PPEF1: variants seen among roughly 807,000 people sequenced by gnomAD.
The protein encoded by PPEF1 is serine/threonine-protein phosphatase with EF-hands 1.
PPEF1 carries 12 observed loss-of-function variants against 53.3 expected under a neutral mutation model. The observed-to-expected ratio is 0.23, with a 90% CI of 0.14 to 0.36. The LOEUF (loss-of-function observed/expected upper bound fraction) is 0.36, where lower values mean the gene tolerates loss of function less well. Among genes scored for constraint, PPEF1 ranks in the 10% least tolerant of loss-of-function variants. The pLI is 1.00. For synonymous variants in PPEF1, 165 were observed against 176.7 expected, an observed-to-expected ratio of 0.93 and a Z score of 0.52; for missense variants, 334 against 490.4, an observed-to-expected ratio of 0.68 and a Z score of 3.01.
chrX:18,792,804 G>A (rs1421133873), intron 10 of PPEF1, among the ~76,000 whole-genome samples: 2 of 111,858 alleles, frequency 1.8e-5, no homozygotes, highest in Non-Finnish European at 3.8e-5. Flanking sequence ...CCACAGTGTG[G>A]GAGTGGCCCC....
intron 10 of PPEF1, among the ~76,000 whole-genome samples, chrX:18,791,939 T>G (rs1041509242): frequency 8.9e-6 from 1 of 112,464 alleles, no homozygotes; most frequent in Admixed American, 9.4e-5. Flanking sequence ...ATTGAAATGA[T>G]GTGTTCTTTC....
chrX:18,795,874 C>T (rs1179180998), intron 10 of PPEF1, among the ~76,000 whole-genome samples: 1 of 112,154 alleles, frequency 8.9e-6, no homozygotes, highest in Non-Finnish European at 1.9e-5. Context: ...CTCTACGCTT[C>T]TCATTTTTGA....
chrX:18,734,183 G>A (rs1340705561), intron 3 of PPEF1, among the ~76,000 whole-genome samples: 1 of 108,803 alleles, frequency 9.2e-6, no homozygotes, highest in African/African-American at 3.4e-5. Context: ...TCAACGTGCA[G>A]GTTTGTTACT....
chrX:18,767,304 T>C (rs1299060052), intron 6 of PPEF1, among the ~76,000 whole-genome samples: 3 of 111,572 alleles, frequency 2.7e-5, no homozygotes, highest in Non-Finnish European at 5.7e-5. Context: ...CCCAGCACTT[T>C]GGGAGGCCGA....
chrX:18,801,790 C>G (rs2046551037), intron 10 of PPEF1, among the ~76,000 whole-genome samples: 1 of 110,275 alleles, frequency 9.1e-6, no homozygotes, highest in African/African-American at 3.3e-5. Flanking sequence ...CGAGATCAGC[C>G]TGGCCAACAC....
intron 13 of PPEF1, among the ~76,000 whole-genome samples, chrX:18,822,925 C>G (rs1168696790): frequency 3.6e-5 from 4 of 111,017 alleles, no homozygotes; most frequent in Non-Finnish European, 7.5e-5. Context: ...ACAAAAGGCC[C>G]CAAATAGCCA....
chrX:18,684,600 G>C (rs1037786960), intron 1 of PPEF1, among the ~76,000 whole-genome samples: 4 of 108,580 alleles, frequency 3.7e-5, no homozygotes, highest in African/African-American at 1.3e-4. Context: ...CTTGGGATGT[G>C]TCTAGTATCT....
chrX:18,782,335 A>G (rs1569263754), intron 7 of PPEF1, 31 bp from the exon 8 acceptor site: 1 of 1,146,044 alleles, frequency 8.7e-7, no homozygotes, highest in Non-Finnish European at 1.2e-6. Flanking sequence ...GTTATCAACA[A>G]TCAAATCATT....
chrX:18,825,767 T>A lies in PPEF1; in HGVS notation c.1682T>A (p.Val561Asp). The A allele has an allele frequency of 8.4e-7, 1 of 1,195,451 alleles. No homozygotes were observed. The highest frequency in any genetic ancestry group is 1.1e-6 in the Non-Finnish European group (1 of 886,643). Residue 561 changes from valine to aspartate, a missense_variant, in exon 15 of 16, where the codon GTT becomes GAT. Coordinates refer to ENST00000470157, the MANE Select transcript of PPEF1 (RefSeq NM_001377996.1). ...TTATTTTAGGCTCATTCTACTCTAGTTGAAACTCTGTACAGATACAGATCT... is the reference window on the plus strand; with the variant it reads ...TTATTTTAGGCTCATTCTACTCTAGATGAAACTCTGTACAGATACAGATCT... ...KPVQEAHSTLVETLYRYRSDL... is the reference protein window; with the variant it reads ...KPVQEAHSTLDETLYRYRSDL...
At chrX:18,741,736 A>T (rs766499905) in intron 3 of PPEF1, among the ~76,000 whole-genome samples, 1 of 102,648 alleles carries the variant, frequency 9.7e-6, no homozygotes, top group Non-Finnish European at 2.0e-5. Context: ...AGATGGAAGC[A>T]TGTGGTATAT....
chrX:18,757,650 A>G lies in PPEF1; in HGVS notation c.420A>G (p.Leu140=). Residue 140 remains leucine (L), a synonymous_variant, in exon 5 of 16, where the codon TTA becomes TTG. Transcript: ENST00000470157. ...EQQILHAHYV[L]EVLFETKKVL... is the part of the protein sequence containing the mutation. ...AGATACTTCATGCCCATTATGTCTT[A>G]GAGGTGCTATTTGAAACCAAGAAAG... is the stretch of plus-strand genomic sequence containing the variant. 2 of 1,208,427 alleles carry G rather than the reference A, an allele frequency of 1.7e-6. No homozygotes were observed. Among genetic ancestry groups the G allele is most frequent in the Non-Finnish European group, 2.2e-6 (2 of 892,553 alleles).
intron 14 of PPEF1, 94 bp from the exon 15 acceptor site, chrX:18,825,657 A>G: frequency 3.9e-6 from 2 of 518,143 alleles, no homozygotes; most frequent in Non-Finnish European, 6.0e-6. Context: ...CATCATTTCA[A>G]TTGTTGATGA....
At chrX:18,796,860 A>G (rs765190937) in intron 10 of PPEF1, among the ~76,000 whole-genome samples, 4 of 112,037 alleles carry the variant, frequency 3.6e-5, no homozygotes, top group African/African-American at 1.3e-4. Flanking sequence ...GAAGGTTAGA[A>G]CAAGCTCTTC....
At chrX:18,821,481 C>T (rs2047043353) in intron 13 of PPEF1, among the ~76,000 whole-genome samples, 1 of 110,938 alleles carries the variant, frequency 9.0e-6, no homozygotes, top group Non-Finnish European at 1.9e-5. Flanking sequence ...GATCTTGGCT[C>T]ATTGCAACCT....
At chrX:18,713,578 A>C (rs954870122) in intron 1 of PPEF1, among the ~76,000 whole-genome samples, 2 of 110,855 alleles carry the variant, frequency 1.8e-5, no homozygotes, top group Admixed American at 1.9e-4. Flanking sequence ...ATAATAATAA[A>C]TCTGCTGAAA....
At chrX:18,721,721 G>T (rs1468513442) in intron 1 of PPEF1, among the ~76,000 whole-genome samples, 2 of 111,731 alleles carry the variant, frequency 1.8e-5, no homozygotes, top group Non-Finnish European at 3.8e-5. Flanking sequence ...ATGTGGATGG[G>T]GTTGGTGGGT....
intron 1 of PPEF1, among the ~76,000 whole-genome samples, chrX:18,720,693 C>T (rs942978390): frequency 1.8e-5 from 2 of 112,070 alleles, no homozygotes; most frequent in African/African-American, 6.5e-5. Context: ...GGCTTATGTC[C>T]TTTGGTAGTA....
chrX:18,762,940 G>A (rs1278902020), intron 6 of PPEF1, among the ~76,000 whole-genome samples: 1 of 111,919 alleles, frequency 8.9e-6, no homozygotes, highest in African/African-American at 3.2e-5. Context: ...ACGAGATACA[G>A]ATGAACTGGG....
At chrX:18,809,010 G>A (rs1602478008) in intron 12 of PPEF1, among the ~76,000 whole-genome samples, 1 of 110,477 alleles carries the variant, frequency 9.1e-6, no homozygotes, top group African/African-American at 3.3e-5. Context: ...CAAACCAAGT[G>A]TCTATCAAGA....
Sources: allele counts gnomAD v4.1 joint callset (sites outside exome capture counted in the v4.1 genomes callset), GRCh38; gene constraint gnomAD v4.1.1; transcripts MANE v1.5; gene names NCBI Gene and HGNC (gene_info 2026-07-23, HGNC 2026-07-21).